FBP1: variants seen among roughly 807,000 people sequenced by gnomAD.
FBP1 encodes the protein fructose-1,6-bisphosphatase 1.
A neutral mutation model predicts 29.9 loss-of-function variants in FBP1; 22 were observed. The observed-to-expected ratio is 0.74, with a 90% CI of 0.53 to 1.05. The LOEUF is 1.05. Ranked by LOEUF, FBP1 falls within the 50% of genes least tolerant of loss-of-function variation. The pLI is 0.00. For synonymous variants in FBP1, 175 were observed against 178.6 expected, an observed-to-expected ratio of 0.98 and a Z score of 0.16; for missense variants, 345 against 448.2, an observed-to-expected ratio of 0.77 and a Z score of 2.08.
intron 1 of FBP1, among the ~76,000 whole-genome samples, chr9:94,627,333 C>CA (rs1236826422): frequency 2.6e-5 from 4 of 151,946 alleles, no homozygotes; most frequent in Non-Finnish European, 5.9e-5. Context: ...CCAGCCTGGG[C>CA]AAAAAAGAGT....
At chr9:94,638,481 G>A (rs1828228756) in intron 1 of FBP1, among the ~76,000 whole-genome samples, 1 of 152,206 alleles carries the variant, frequency 6.6e-6, no homozygotes, top group African/African-American at 2.4e-5. Context: ...AAATCGATAG[G>A]GGTTTTGAAG....
chr9:94,605,936 AGTGT>A (rs1827693029), intron 5 of FBP1, among the ~76,000 whole-genome samples: 1 of 152,196 alleles, frequency 6.6e-6, no homozygotes, highest in South Asian at 2.1e-4. Flanking sequence ...GGTGGGAGGC[AGTGT>A]GTAATTTACA....
chr9:94,606,498 G>A (rs868667240), intron 5 of FBP1, among the ~76,000 whole-genome samples: 1 of 152,222 alleles, frequency 6.6e-6, no homozygotes, highest in African/African-American at 2.4e-5. Flanking sequence ...CTTCTGCCAA[G>A]AGAAAGTAGC....
intron 4 of FBP1, among the ~76,000 whole-genome samples, chr9:94,607,854 C>T (rs1418075358): frequency 6.6e-6 from 1 of 152,032 alleles, no homozygotes; most frequent in Non-Finnish European, 1.5e-5. Flanking sequence ...ACGTTGAAAC[C>T]AGACAGACAG....
At chr9:94,624,472 G>A (rs935372263) in intron 1 of FBP1, among the ~76,000 whole-genome samples, 1 of 152,110 alleles carries the variant, frequency 6.6e-6, no homozygotes, top group South Asian at 2.1e-4. Flanking sequence ...GACCAATATG[G>A]TGAAGTCCTA....
chr9:94,631,524 G>A (rs1232932946), intron 1 of FBP1, among the ~76,000 whole-genome samples: 1 of 152,176 alleles, frequency 6.6e-6, no homozygotes, highest in East Asian at 1.9e-4. Flanking sequence ...GATGATTGGG[G>A]GAGGCTGCCT....
chr9:94,620,337 C>G lies in FBP1; in HGVS notation c.325G>C (p.Glu109Gln), dbSNP rs1344235154. The change falls in exon 2 of 7, where the codon GAG becomes CAG. Residue 109 changes from glutamate to glutamine, a missense_variant. Physicochemically the swap from Glu to Gln is conservative, Grantham distance 29 (BLOSUM62 2). Coordinates refer to ENST00000375326, the MANE Select transcript of FBP1 (RefSeq NM_000507.4). ...EDKHAIIVEP[E>Q]KRGKYVVCFD... Reference sequence around the variant, plus strand: ...TGGAAGTACAGACCCACCCTTTTCTCCGGTTCCACTATGATGGCGTGTTTA... The same window carrying G: ...TGGAAGTACAGACCCACCCTTTTCTGCGGTTCCACTATGATGGCGTGTTTA... The G allele has an allele frequency of 6.2e-7, 1 of 1,614,158 alleles. No individual in the cohort carries two copies. Among genetic ancestry groups the G allele is most frequent in the Non-Finnish European group, 8.5e-7 (1 of 1,180,028 alleles).
In FBP1 at chr9:94,617,807, G is replaced by A; in HGVS notation, c.387C>T (p.Cys129=). Residue 129 remains cysteine (C), a synonymous_variant, in exon 3 of 7, where the codon TGC becomes TGT. Coordinates refer to ENST00000375326, the MANE Select transcript of FBP1 (RefSeq NM_000507.4). ...CAAAAATGGTTCCAACGGACACAAG[G>A]CAATCGATGTTGGAAGATCCATCAA... is the stretch of plus-strand genomic sequence containing the variant. ...DPLDGSSNID[C]LVSVGTIFGI... 4 of 1,613,898 alleles carry A rather than the reference G, an allele frequency of 2.5e-6. No homozygotes were observed. Among genetic ancestry groups the A allele is most frequent in the Non-Finnish European group, 3.4e-6 (4 of 1,179,836 alleles).
chr9:94,616,089 A>G (rs942575464), intron 3 of FBP1, among the ~76,000 whole-genome samples: 1 of 152,042 alleles, frequency 6.6e-6, no homozygotes, highest in Non-Finnish European at 1.5e-5. Flanking sequence ...CGGCCTCCCA[A>G]AGTGCTGGGA....
At chr9:94,622,822 C>T (rs1391101414) in intron 1 of FBP1, among the ~76,000 whole-genome samples, 1 of 152,118 alleles carries the variant, frequency 6.6e-6, no homozygotes, top group Non-Finnish European at 1.5e-5. Flanking sequence ...GAGGCTGGGG[C>T]TTGTGCAGGA....
At position 94,613,949 on chromosome 9, in the gene FBP1, C is replaced by T. The variant is rs552326281; in HGVS notation, c.426+3819G>A. Among the ~76,000 whole-genome samples the T allele has an allele frequency of 1.1e-3, 165 of 145,298 alleles. 1 individual carries two copies. Among genetic ancestry groups the T allele is most frequent in the African/African-American group, 4.0e-3 (158 of 39,126 alleles). On this transcript the variant is annotated intron_variant, in intron 3 of 6. Transcript: ENST00000375326. Reference sequence around the variant, plus strand: ...AAAAAAAATTAGCCAAGCGTGGTGGCGGGCGCCTGTAGTCCCAGCTACTCG... The same window carrying T: ...AAAAAAAATTAGCCAAGCGTGGTGGTGGGCGCCTGTAGTCCCAGCTACTCG...
chr9:94,612,018 G>T (rs1206272367), intron 3 of FBP1, among the ~76,000 whole-genome samples: 1 of 152,186 alleles, frequency 6.6e-6, no homozygotes, highest in African/African-American at 2.4e-5. Flanking sequence ...TTAGCTGGTT[G>T]CACTGGGTTA....
At chr9:94,611,877 G>A (rs1827791501) in intron 3 of FBP1, among the ~76,000 whole-genome samples, 1 of 152,198 alleles carries the variant, frequency 6.6e-6, no homozygotes, top group African/African-American at 2.4e-5. Flanking sequence ...TCACACTCAA[G>A]TGTAAGAACT....
Position 94,620,339 on chromosome 9 carries a change from G to A in FBP1, c.323C>T (p.Pro108Leu), listed in dbSNP as rs202079958. The A allele has an allele frequency of 5.9e-5, 95 of 1,614,002 alleles. No individual in the cohort carries two copies. The highest frequency in any genetic ancestry group is 7.2e-5 in the Non-Finnish European group (85 of 1,180,004). Residue 108 changes from proline to leucine, a missense_variant, in exon 2 of 7, where the codon CCG becomes CTG. Transcript: ENST00000375326. ...GAAGTACAGACCCACCCTTTTCTCC[G>A]GTTCCACTATGATGGCGTGTTTATC... ...EEDKHAIIVE[P>L]EKRGKYVVCF...
At chr9:94,631,910 C>T (rs141947486) in intron 1 of FBP1, among the ~76,000 whole-genome samples, 21 of 152,118 alleles carry the variant, frequency 1.4e-4, no homozygotes, top group African/African-American at 5.1e-4. Flanking sequence ...TCACAAATAC[C>T]TGCCTCTGCT....
At chr9:94,608,401 C>T (rs1827732893) in intron 4 of FBP1, among the ~76,000 whole-genome samples, 1 of 152,180 alleles carries the variant, frequency 6.6e-6, no homozygotes, top group African/African-American at 2.4e-5. Flanking sequence ...AGAAGCTTCC[C>T]TACAGGGATG....
In FBP1 at chr9:94,606,041, G is replaced by A. The variant is rs554691406; in HGVS notation, c.706-465C>T. 9.6e-4 allele frequency among the ~76,000 whole-genome samples: 146 copies of A among 152,244 alleles called. 2 individuals are homozygous for A. The highest frequency in any genetic ancestry group is 5.8e-4 in the East Asian group (3 of 5,174). On this transcript the variant is annotated intron_variant, in intron 5 of 6. Transcript: ENST00000375326. ...CTGTGGGACTCGGGTGTGCGTGTGC[G>A]GAGCTTGGGGGCAGGAGGGGAATCC...
At chr9:94,610,182 G>C (rs1827763998) in intron 3 of FBP1, 121 bp from the exon 4 acceptor site, 2 of 985,304 alleles carry the variant, frequency 2.0e-6, no homozygotes, top group South Asian at 1.4e-5. Flanking sequence ...CATCTTCCCA[G>C]AGGGGCCTTC....
chr9:94,623,911 C>T (rs529402266), intron 1 of FBP1, among the ~76,000 whole-genome samples: 1 of 152,242 alleles, frequency 6.6e-6, no homozygotes, highest in Non-Finnish European at 1.5e-5. Flanking sequence ...GTGACAGATG[C>T]TCGCTGACAT....
Sources: gnomAD v4.1 joint callset for allele counts (sites outside exome capture counted in the v4.1 genomes callset) on GRCh38, gnomAD v4.1.1 for gene constraint, MANE v1.5 for transcripts, NCBI Gene and HGNC (gene_info 2026-07-23, HGNC 2026-07-21) for gene names.